Variants in KCTD6 observed in about 807,000 individuals in gnomAD.
KCTD6 encodes the protein BTB/POZ domain-containing protein KCTD6.
Under a neutral mutation model 18.7 loss-of-function variants are expected in KCTD6, and 6 were observed. The ratio of observed to expected loss-of-function variants is 0.32; its 90% CI spans 0.18 to 0.63. KCTD6 has a LOEUF of 0.63. Among genes scored for constraint, KCTD6 ranks in the 30% least tolerant of loss-of-function variants. The pLI, the probability that KCTD6 is intolerant of heterozygous loss-of-function variation, is 0.79. For synonymous variants in KCTD6, 86 were observed against 108.5 expected (o/e 0.79, Z 1.29); for missense variants, 165 against 300.2 (o/e 0.55, Z 3.33).
rs774960932 is a variant in KCTD6 at position 58,498,767 on chromosome 3, A to G, written c.12A>G (p.Gly4=). Residue 4 remains glycine, a synonymous_variant, in exon 2 of 3, where the codon GGA becomes GGG. Coordinates refer to ENST00000404589, the MANE Select transcript of KCTD6 (RefSeq NM_001128214.2). This position sits in a 1 kb window ranked among gnomAD's most constrained non-coding sequence, Gnocchi z 4.6. MDN[G]DWGYMMTDPV... The stretch of plus-strand genomic sequence containing the variant: ...CATCACTGGAGCAGATGGATAATGG[A>G]GACTGGGGCTATATGGTGAGTGCTT... 13 of 1,612,294 alleles carry G rather than the reference A, an allele frequency of 8.1e-6. No individual in the cohort carries two copies. The highest frequency in any genetic ancestry group is 1.1e-5 in the Non-Finnish European group (13 of 1,179,262).
At chr3:58,499,805 G>A (rs577412840) in intron 2 of KCTD6, among the ~76,000 whole-genome samples, 1 of 152,038 alleles carries the variant, frequency 6.6e-6, no homozygotes, top group Non-Finnish European at 1.5e-5. Flanking sequence ...CTCCCAAAGT[G>A]CTGGGATTAC....
intron 2 of KCTD6, among the ~76,000 whole-genome samples, chr3:58,499,549 T>C (rs2063195206): frequency 6.9e-6 from 1 of 144,816 alleles, no homozygotes; most frequent in Admixed American, 6.8e-5. Context: ...CTTTCTTCCT[T>C]TTTTTTTTTT....
In KCTD6 at chr3:58,498,658, T is replaced by TATATATG; in HGVS notation, c.-43-55_-43-54insATATATG. 2 of 934,062 alleles carry TATATATG rather than the reference T, an allele frequency of 2.1e-6. No homozygotes were observed. The highest frequency in any genetic ancestry group is 3.5e-6 in the Non-Finnish European group (2 of 575,374). The allele number at this position is 934,062 out of a possible 1,614,324, so 57.9% of individuals were successfully genotyped here. A position where few individuals can be genotyped will look rare whatever the true frequency, so the allele number is the denominator to read the frequency against. On this transcript the variant is annotated intron_variant, in intron 1 of 2. Coordinates refer to ENST00000404589, the MANE Select transcript of KCTD6 (RefSeq NM_001128214.2). The surrounding 1 kb of genome is among the most constrained non-coding windows in gnomAD (Gnocchi z 4.6). ...TCTGTTGGGTGGAAAAAGACTTTCT[T>TATATATG]CTCTATTTTCCTAGTTATATATGCT... is the stretch of plus-strand genomic sequence containing the variant.
chr3:58,494,166 G>GA (rs1207739138), intron 1 of KCTD6: 1 of 152,108 alleles, frequency 6.6e-6, no homozygotes, highest in East Asian at 1.9e-4. Context: ...ACATGGTTGA[G>GA]AAAGGAGAAA....
Position 58,498,910 on chromosome 3 carries a change from C to T in KCTD6, c.27+128C>T, listed in dbSNP as rs183100232. The T allele has an allele frequency of 3.6e-4, 260 of 723,538 alleles. No individual in the cohort carries two copies. In the African/African-American group the frequency reaches 3.8e-3, roughly 11 times the overall value. The allele number at this position is 723,538 out of a possible 1,614,324, so 44.8% of individuals were successfully genotyped here. A position where few individuals can be genotyped will look rare whatever the true frequency, so the allele number is the denominator to read the frequency against. On this transcript the variant is annotated intron_variant, in intron 2 of 2. Coordinates refer to ENST00000404589, the MANE Select transcript of KCTD6 (RefSeq NM_001128214.2). The surrounding 1 kb of genome is among the most constrained non-coding windows in gnomAD (Gnocchi z 4.6). ...GTGAATTTGTGTAACCTCTCTTCCC[C>T]CTTTTACTTAGTTTAGATGTATTTT...
intron 1 of KCTD6, chr3:58,494,120 G>T (rs1162921547): frequency 1.3e-5 from 2 of 152,168 alleles, no homozygotes; most frequent in African/African-American, 2.4e-5. Context: ...TTAATATTAG[G>T]TCACTTTTAA....
rs1275388920 is a variant in KCTD6, at chr3:58,493,703, T to G, written c.-44+1534T>G. ...CCGTCTCCAGGCCAATGCTCTAAATTACTTGTGTTCACACTCAAGTTTCTC... is the reference window on the plus strand; with the variant it reads ...CCGTCTCCAGGCCAATGCTCTAAATGACTTGTGTTCACACTCAAGTTTCTC... On this transcript the variant is annotated intron_variant, in intron 1 of 2. Coordinates refer to ENST00000404589, the MANE Select transcript of KCTD6 (RefSeq NM_001128214.2). This position sits in a 1 kb window ranked among gnomAD's most constrained non-coding sequence, Gnocchi z 4.5. 6.6e-6 allele frequency among the ~76,000 whole-genome samples: 1 copy of G among 152,232 alleles called. No homozygotes were observed. The highest frequency in any genetic ancestry group is 2.4e-5 in the African/African-American group (1 of 41,466).
rs189163223 is a variant in KCTD6, at chr3:58,492,421, C to T, written c.-44+252C>T. 0.02 allele frequency among the ~76,000 whole-genome samples: 2,953 copies of T among 151,224 alleles called. 104 individuals are homozygous for T. Among genetic ancestry groups the T allele is most frequent in the African/African-American group, 0.068 (2,802 of 41,356 alleles). ...GCCCGGCGGGGATGCGCGGTTTCTG[C>T]GGGCCCGGGTTCGGAGCCCCGCGGC... On this transcript the variant is annotated intron_variant, in intron 1 of 2. Transcript: ENST00000404589. This position sits in a 1 kb window ranked among gnomAD's most constrained non-coding sequence, Gnocchi z 6.1.
intron 2 of KCTD6, among the ~76,000 whole-genome samples, 199 bp from the exon 3 acceptor site, chr3:58,500,747 T>C (rs745729285): frequency 6.6e-5 from 10 of 152,324 alleles, no homozygotes; most frequent in Non-Finnish European, 1.0e-4. Flanking sequence ...CCTTTTTTTT[T>C]CTATTGAAAG....
rs1297133792 is a variant in KCTD6 at position 58,502,066 on chromosome 3, A to G, written c.*434A>G. The G allele has an allele frequency of 6.5e-6, 1 of 153,028 alleles. No homozygotes were observed. The highest frequency in any genetic ancestry group is 1.9e-4 in the East Asian group (1 of 5,202). 9.5% of individuals were successfully genotyped at this position (153,028 alleles called of 1,614,324 possible). A position where few individuals can be genotyped will look rare whatever the true frequency, so the allele number is the denominator to read the frequency against. On this transcript the variant is annotated 3_prime_UTR_variant, in exon 3 of 3. Transcript: ENST00000404589. The stretch of plus-strand genomic sequence containing the variant: ...GTAGGGTGACCTAGTTTCCAAACCA[A>G]TAAATAAGTAGTATTGTAATATTAA...
chr3:58,501,539 C>T lies in KCTD6; in HGVS notation c.621C>T (p.Asn207=). The change falls in exon 3 of 3, where the codon AAC becomes AAT. Residue 207 remains asparagine (N), a synonymous_variant. Transcript: ENST00000404589. This position sits in a 1 kb window ranked among gnomAD's most constrained non-coding sequence, Gnocchi z 9.7. The stretch of plus-strand genomic sequence containing the variant: ...CAAAACAAGGTTTCACGATCCGCAA[C>T]ACCCGGGTGCATCACATGAGTGAGC... The part of the protein sequence containing the change: ...YITKQGFTIR[N]TRVHHMSERA... 1.3e-6 allele frequency: 2 copies of T among 1,489,322 alleles called. No homozygotes were observed. The highest frequency in any genetic ancestry group is 1.8e-6 in the Non-Finnish European group (2 of 1,122,018). 92.3% of individuals were successfully genotyped at this position (1,489,322 alleles called of 1,614,324 possible).
In KCTD6 at chr3:58,498,444, C is replaced by CTCCT. The variant is rs965127971; in HGVS notation, c.-43-266_-43-263dup. ...GACTGGGTTACTTCCTAGACTCTTC[C>CTCCT]TCCTTCTCTTAAGTACAGTATAGTT... is the stretch of plus-strand genomic sequence containing the variant. On this transcript the variant is annotated intron_variant, in intron 1 of 2. Coordinates refer to ENST00000404589, the MANE Select transcript of KCTD6 (RefSeq NM_001128214.2). The surrounding 1 kb of genome is among the most constrained non-coding windows in gnomAD (Gnocchi z 4.6). 49 of 298,568 alleles carry CTCCT rather than the reference C, an allele frequency of 1.6e-4. No individual in the cohort carries two copies. Among genetic ancestry groups the CTCCT allele is most frequent in the African/African-American group, 1.1e-3 (48 of 45,628 alleles). The allele number at this position is 298,568 out of a possible 1,614,324, so 18.5% of individuals were successfully genotyped here.
chr3:58,495,800 C>A (rs868845603), intron 1 of KCTD6, among the ~76,000 whole-genome samples: 7 of 151,348 alleles, frequency 4.6e-5, no homozygotes, highest in African/African-American at 1.5e-4. Flanking sequence ...AATTATTAAG[C>A]GTGAGCTTTC....
Position 58,498,869 on chromosome 3 carries a change from A to G in KCTD6, c.27+87A>G. On this transcript the variant is annotated intron_variant, in intron 2 of 2. Transcript: ENST00000404589. The surrounding 1 kb of genome is among the most constrained non-coding windows in gnomAD (Gnocchi z 4.6). ...CCTTATGTATTTTTAGGTATATCTTATAAGAAAAGAAAATTGTGAATTTGT... is the reference window on the plus strand; with the variant it reads ...CCTTATGTATTTTTAGGTATATCTTGTAAGAAAAGAAAATTGTGAATTTGT... The G allele has an allele frequency of 9.0e-7, 1 of 1,106,868 alleles. No homozygotes were observed. Among genetic ancestry groups the G allele is most frequent in the African/African-American group, 1.6e-5 (1 of 62,836 alleles). The allele number at this position is 1,106,868 out of a possible 1,614,324, so 68.6% of individuals were successfully genotyped here. A position where few individuals can be genotyped will look rare whatever the true frequency, so the allele number is the denominator to read the frequency against.
rs1210352006 is a variant in KCTD6, at chr3:58,493,996, T to G, written c.-44+1827T>G. Reference sequence around the variant, plus strand: ...TAGGCCAATTTTTGCCTTTGTGTTGTGCCTAAATGGTGTAATTACCCCGTT... The same window carrying G: ...TAGGCCAATTTTTGCCTTTGTGTTGGGCCTAAATGGTGTAATTACCCCGTT... On this transcript the variant is annotated intron_variant, in intron 1 of 2. Transcript: ENST00000404589. This position sits in a 1 kb window ranked among gnomAD's most constrained non-coding sequence, Gnocchi z 4.5. The G allele has an allele frequency of 1.3e-5, 2 of 152,224 alleles. No individual in the cohort carries two copies. The highest frequency in any genetic ancestry group is 2.4e-5 in the African/African-American group (1 of 41,452). 9.4% of individuals were successfully genotyped at this position (152,224 alleles called of 1,614,324 possible). A position where few individuals can be genotyped will look rare whatever the true frequency, so the allele number is the denominator to read the frequency against.
intron 2 of KCTD6, among the ~76,000 whole-genome samples, chr3:58,500,653 A>G (rs2063201007): frequency 6.6e-6 from 1 of 152,126 alleles, no homozygotes; most frequent in Non-Finnish European, 1.5e-5. Flanking sequence ...AAAACTCTAT[A>G]GATAATGGGC....
intron 2 of KCTD6, among the ~76,000 whole-genome samples, chr3:58,499,354 A>G (rs1161786836): frequency 6.6e-6 from 1 of 152,114 alleles, no homozygotes; most frequent in East Asian, 1.9e-4. Context: ...AATAGTGACT[A>G]CAAAGGGATC....
At position 58,492,658 on chromosome 3, in the gene KCTD6, A is replaced by G. The variant is rs2063160107; in HGVS notation, c.-44+489A>G. Among the ~76,000 whole-genome samples, 1 of 152,014 alleles carries G rather than the reference A, an allele frequency of 6.6e-6. No homozygotes were observed. Among genetic ancestry groups the G allele is most frequent in the Non-Finnish European group, 1.5e-5 (1 of 67,992 alleles). ...CAGGACTCAAAACCCTGCCTTTGGG[A>G]TTTTCTGCCCTGAAGAGACTCTCAG... On this transcript the variant is annotated intron_variant, in intron 1 of 2. Transcript: ENST00000404589. This position sits in a 1 kb window ranked among gnomAD's most constrained non-coding sequence, Gnocchi z 6.1.
chr3:58,501,044 TG>T lies in KCTD6; in HGVS notation c.133del (p.Asp45ThrfsTer28). On this transcript the variant is annotated frameshift_variant, in exon 3 of 3. Transcript: ENST00000404589. LOFTEE classifies it high-confidence loss of function. This position sits in a 1 kb window ranked among gnomAD's most constrained non-coding sequence, Gnocchi z 9.7. ...CGGATTCCATGCTTGGAGCTATGTT[TG>T]GGGGGGACTTCCCCACAGCTCGAGA... The part of the protein sequence containing the change: ...YPDSMLGAMF[G>X]GDFPTARDPQ... The T allele has an allele frequency of 6.2e-7, 1 of 1,614,062 alleles. No homozygotes were observed. The highest frequency in any genetic ancestry group is 8.5e-7 in the Non-Finnish European group (1 of 1,179,962).
Sources: gnomAD v4.1 joint callset for allele counts (sites outside exome capture counted in the v4.1 genomes callset) on GRCh38, gnomAD v4.1.1 for gene constraint, Gnocchi (gnomAD v3.1) non-coding constraint, MANE v1.5 for transcripts, NCBI Gene and HGNC (gene_info 2026-07-23, HGNC 2026-07-21) for gene names.